VWA8: variants seen among roughly 807,000 people sequenced by gnomAD.
The protein encoded by VWA8 is von Willebrand factor A domain-containing protein 8.
Under a neutral mutation model 241.5 loss-of-function variants are expected in VWA8, and 221 were observed. The observed-to-expected ratio is 0.91, with a 90% CI of 0.82 to 1.02. The LOEUF is 1.02. Ranked by LOEUF, VWA8 falls within the 50% of genes least tolerant of loss-of-function variation. The pLI is 0.00. For synonymous variants in VWA8, 852 were observed against 827.1 expected (o/e 1.03, Z -0.52); for missense variants, 2,322 against 2,328.7 (o/e 1.00, Z 0.06).
rs543247749 is a variant in VWA8 at position 41,901,487 on chromosome 13, C to T, written c.483+6099G>A. On this transcript the variant is annotated intron_variant, in intron 4 of 44. Coordinates refer to ENST00000379310, the MANE Select transcript of VWA8 (RefSeq NM_015058.2). The stretch of plus-strand genomic sequence containing the variant: ...AAATGCAATAATACGAAGCACCTAG[C>T]ACAACGTAGGTCTCCCAATAAAAGT... 7.9e-5 allele frequency among the ~76,000 whole-genome samples: 12 copies of T among 152,278 alleles called. No individual in the cohort carries two copies. The East Asian group carries it at 2.3e-3, about 29-fold the overall frequency.
intron 39 of VWA8, among the ~76,000 whole-genome samples, chr13:41,605,696 G>C (rs1034416625): frequency 1.3e-5 from 2 of 151,936 alleles, no homozygotes; most frequent in Non-Finnish European, 2.9e-5. Flanking sequence ...AGTTCATGTG[G>C]CAGATTCCTA....
At chr13:41,764,966 C>T (rs952212592) in intron 20 of VWA8, among the ~76,000 whole-genome samples, 1 of 151,850 alleles carries the variant, frequency 6.6e-6, no homozygotes, top group African/African-American at 2.4e-5. Flanking sequence ...GTTTGAAATT[C>T]CTTTAAAATT....
At chr13:41,899,086 G>C (rs1875299202) in intron 4 of VWA8, among the ~76,000 whole-genome samples, 1 of 152,260 alleles carries the variant, frequency 6.6e-6, no homozygotes, top group Non-Finnish European at 1.5e-5. Flanking sequence ...AGCCCAGGCA[G>C]AGGAGGTGCC....
chr13:41,820,722 T>C (rs767178603), intron 14 of VWA8, among the ~76,000 whole-genome samples: 9 of 152,192 alleles, frequency 5.9e-5, no homozygotes, highest in African/African-American at 2.2e-4. Flanking sequence ...GTCCAGAGGA[T>C]AGCACAATTA....
At chr13:41,774,638 CAG>C (rs1868506531) in intron 20 of VWA8, among the ~76,000 whole-genome samples, 1 of 152,148 alleles carries the variant, frequency 6.6e-6, no homozygotes, top group Non-Finnish European at 1.5e-5. Flanking sequence ...TATCACACTT[CAG>C]AGAGTGCAGT....
chr13:41,667,352 A>G (rs1197804631), intron 37 of VWA8, among the ~76,000 whole-genome samples: 1 of 152,132 alleles, frequency 6.6e-6, no homozygotes, highest in Non-Finnish European at 1.5e-5. Flanking sequence ...TTTTCCATGT[A>G]TTTCTTTCTA....
chr13:41,620,148 C>T (rs2044647180), intron 37 of VWA8, among the ~76,000 whole-genome samples: 1 of 152,044 alleles, frequency 6.6e-6, no homozygotes, highest in African/African-American at 2.4e-5. Flanking sequence ...AATTTCAGGG[C>T]CTGTTATTGG....
chr13:41,586,606 T>C (rs1337794621), intron 42 of VWA8, among the ~76,000 whole-genome samples: 3 of 151,918 alleles, frequency 2.0e-5, no homozygotes, highest in African/African-American at 4.8e-5. Flanking sequence ...CCTGAAGTGA[T>C]GGGTTTCATC....
At chr13:41,808,849 G>T (rs1169057535) in intron 17 of VWA8, among the ~76,000 whole-genome samples, 1 of 149,766 alleles carries the variant, frequency 6.7e-6, no homozygotes, top group African/African-American at 2.5e-5. Flanking sequence ...GCTTATACTT[G>T]AAAAAAAAAC....
chr13:41,953,977 C>A (rs995923649), intron 1 of VWA8, among the ~76,000 whole-genome samples: 8 of 152,136 alleles, frequency 5.3e-5, no homozygotes, highest in Admixed American at 3.3e-4. Context: ...TAAATCACAA[C>A]GGAAATTGGA....
intron 16 of VWA8, among the ~76,000 whole-genome samples, chr13:41,813,141 A>G (rs1870543460): frequency 6.6e-6 from 1 of 152,188 alleles, no homozygotes; most frequent in African/African-American, 2.4e-5. Flanking sequence ...TCTTAAAGGC[A>G]CTAGGATTCT....
At chr13:41,886,234 T>G (rs1045393855) in intron 7 of VWA8, among the ~76,000 whole-genome samples, 9 of 152,230 alleles carry the variant, frequency 5.9e-5, no homozygotes, top group Non-Finnish European at 1.2e-4. Context: ...CATCACAATA[T>G]TTGAGGTTTT....
intron 4 of VWA8, among the ~76,000 whole-genome samples, chr13:41,896,228 T>C (rs1281712249): frequency 6.6e-6 from 1 of 152,106 alleles, no homozygotes; most frequent in African/African-American, 2.4e-5. Context: ...TTACATGTAT[T>C]ACCTTTCCTA....
At chr13:41,571,546 C>T (rs528157715) in intron 43 of VWA8, among the ~76,000 whole-genome samples, 6 of 152,288 alleles carry the variant, frequency 3.9e-5, no homozygotes, top group Admixed American at 6.5e-5. Context: ...GACGGGGTTT[C>T]GCCGTGTTGG....
intron 16 of VWA8, among the ~76,000 whole-genome samples, chr13:41,815,266 G>A (rs866244188): frequency 6.6e-6 from 1 of 152,302 alleles, no homozygotes; most frequent in African/African-American, 2.4e-5. Context: ...TAAGTATTTG[G>A]AATGAGGCCC....
chr13:41,912,204 AAG>A (rs1420915716), intron 2 of VWA8, 36 bp from the exon 3 acceptor site: 2 of 1,543,388 alleles, frequency 1.3e-6, no homozygotes, highest in Non-Finnish European at 1.8e-6. Context: ...GTGCAAATTT[AAG>A]TATTACTTAT....
rs2045179989 is a variant in VWA8, at chr13:41,691,820, T to C, written c.3740+54A>G. 7.5e-6 allele frequency: 10 copies of C among 1,339,670 alleles called. No individual in the cohort carries two copies. In the Middle Eastern group the frequency reaches 5.5e-4, roughly 74 times the overall value. 83.0% of individuals were successfully genotyped at this position (1,339,670 alleles called of 1,614,324 possible). A position where few individuals can be genotyped will look rare whatever the true frequency, so the allele number is the denominator to read the frequency against. ...AAACAAGTATAATCAAAATAGGAAA[T>C]AGAATGGGCCAAATAAGAACTCCAG... On this transcript the variant is annotated intron_variant, in intron 31 of 44. Transcript: ENST00000379310.
Position 41,685,144 on chromosome 13 carries a change from A to G in VWA8, c.4230T>C (p.Thr1410=). 6.2e-7 allele frequency: 1 copy of G among 1,613,620 alleles called. No homozygotes were observed. Among genetic ancestry groups the G allele is most frequent in the South Asian group, 1.1e-5 (1 of 91,070 alleles). Residue 1410 remains threonine (T), a synonymous_variant, in exon 35 of 45, where the codon ACT becomes ACC. Transcript: ENST00000379310. ...GAGTCACACAATTGCTTTGTTTTGG[A>G]GTCCCCCTTTTCTTCTTTCCTCTAT... ...SFYRGKKKRG[T]PKQSNCVTLL...
At chr13:41,745,792 C>T (rs2045601386) in intron 21 of VWA8, among the ~76,000 whole-genome samples, 1 of 152,116 alleles carries the variant, frequency 6.6e-6, no homozygotes. Flanking sequence ...TTGTGGAAGA[C>T]TGTGTGTCAA....
Sources: allele counts gnomAD v4.1 joint callset (sites outside exome capture counted in the v4.1 genomes callset), GRCh38; gene constraint gnomAD v4.1.1; transcripts MANE v1.5; gene names NCBI Gene and HGNC (gene_info 2026-07-23, HGNC 2026-07-21).